UBR3: variants seen among roughly 807,000 people sequenced by gnomAD.
UBR3 encodes E3 ubiquitin-protein ligase UBR3.
Under a neutral mutation model 243.2 loss-of-function variants are expected in UBR3, and 85 were observed. The ratio of observed to expected loss-of-function variants is 0.35; its 90% CI spans 0.29 to 0.42. The LOEUF is 0.42. Ranked by LOEUF, UBR3 falls within the 10% of genes least tolerant of loss-of-function variation. The probability of loss-of-function intolerance (pLI) is 1.00; values close to 1 mark genes in which losing one functional copy is unlikely to be tolerated. For missense variants in UBR3, 1,686 were observed against 2,300.8 expected, an observed-to-expected ratio of 0.73 and a Z score of 5.47; for synonymous variants, 748 against 799.8, an observed-to-expected ratio of 0.94 and a Z score of 1.09.
intron 10 of UBR3, among the ~76,000 whole-genome samples, chr2:169,913,689 A>G (rs554511909): frequency 2.6e-5 from 4 of 152,218 alleles, no homozygotes; most frequent in African/African-American, 9.6e-5. Flanking sequence ...GCTACTATCC[A>G]TGTCCAATAC....
chr2:169,953,274 G>C (rs2105363912), intron 23 of UBR3, among the ~76,000 whole-genome samples: 1 of 152,224 alleles, frequency 6.6e-6, no homozygotes, highest in Non-Finnish European at 1.5e-5. Context: ...GACTCTATTT[G>C]GATCTCACCG....
intron 19 of UBR3, among the ~76,000 whole-genome samples, chr2:169,936,674 C>T (rs1463156403): frequency 6.6e-6 from 1 of 151,946 alleles, no homozygotes; most frequent in African/African-American, 2.4e-5. Context: ...CTCCCCACTC[C>T]CCCCACCCCA....
chr2:169,949,475 A>G (rs2086920936), intron 22 of UBR3, 130 bp from the exon 23 acceptor site: 5 of 852,288 alleles, frequency 5.9e-6, no homozygotes, highest in Non-Finnish European at 8.6e-6. Context: ...TTATTTAAAG[A>G]GCAAATCTAT....
intron 31 of UBR3, among the ~76,000 whole-genome samples, chr2:170,029,828 A>G (rs1296984745): frequency 2.6e-5 from 4 of 152,068 alleles, no homozygotes; most frequent in Non-Finnish European, 5.9e-5. Context: ...GACTCCTGAT[A>G]ATTCTTGCTA....
intron 1 of UBR3, among the ~76,000 whole-genome samples, chr2:169,847,713 C>G (rs1208332467): frequency 6.6e-6 from 1 of 152,182 alleles, no homozygotes; most frequent in African/African-American, 2.4e-5. Flanking sequence ...AGGAAAGATA[C>G]TACTGTGTCA....
At chr2:169,921,483 A>T (rs1028752659) in intron 11 of UBR3, among the ~76,000 whole-genome samples, 1 of 152,224 alleles carries the variant, frequency 6.6e-6, no homozygotes, top group Non-Finnish European at 1.5e-5. Context: ...CTTTAACGTT[A>T]TGGAGAATGT....
intron 1 of UBR3, among the ~76,000 whole-genome samples, chr2:169,863,188 C>T (rs1329792190): frequency 6.6e-6 from 1 of 152,200 alleles, no homozygotes. Flanking sequence ...TCCTCTACTT[C>T]TCCCACAGTC....
Position 169,994,455 on chromosome 2 carries a change from A to T in UBR3, c.3917A>T (p.Asp1306Val). The T allele has an allele frequency of 6.2e-7, 1 of 1,613,402 alleles. No homozygotes were observed. The highest frequency in any genetic ancestry group is 8.5e-7 in the Non-Finnish European group (1 of 1,179,470). ...TCATTATTACAGCGTTATTTTAAGG[A>T]TGTAAGTACTCTTTATAAAATAGTA... ...RLSLLQRYFK[D>V]SSCLLAVSIG... The change falls in exon 26 of 39, where the codon GAT becomes GTT. Residue 1306 changes from aspartate to valine, a missense_variant and splice_region_variant. By Grantham distance (152) the Asp-to-Val change is radical. Around this residue, in one of 8 missense-constraint regions of UBR3, gnomAD observed 156 missense variants for 246.3 expected, o/e 0.63. Transcript: ENST00000272793.
At chr2:169,907,782 T>C (rs1387668579) in intron 10 of UBR3, among the ~76,000 whole-genome samples, 1 of 152,030 alleles carries the variant, frequency 6.6e-6, no homozygotes, top group African/African-American at 2.4e-5. Context: ...TTTTTAAATT[T>C]TTTTTTATTT....
At chr2:169,902,594 T>C (rs2084869288) in intron 8 of UBR3, among the ~76,000 whole-genome samples, 1 of 147,372 alleles carries the variant, frequency 6.8e-6, no homozygotes, top group Non-Finnish European at 1.5e-5. Context: ...CAGTTTAAAC[T>C]TCACTTCCTC....
At chr2:170,049,681 G>A (rs555993580) in intron 32 of UBR3, among the ~76,000 whole-genome samples, 22 of 152,180 alleles carry the variant, frequency 1.4e-4, no homozygotes, top group African/African-American at 5.1e-4. Flanking sequence ...GCCCTTTCTA[G>A]AAGCCTTTCT....
intron 2 of UBR3, 79 bp downstream of exon 2, chr2:169,872,454 A>AT (rs1574090219): frequency 9.9e-7 from 1 of 1,012,158 alleles, no homozygotes; most frequent in Non-Finnish European, 1.4e-6. Context: ...TATGAGGTGA[A>AT]TTTTTTTAGA....
At chr2:170,056,076 C>T (rs895643636) in intron 33 of UBR3, among the ~76,000 whole-genome samples, 8 of 141,060 alleles carry the variant, frequency 5.7e-5, no homozygotes, top group Admixed American at 1.5e-4. Context: ...GGTACAATCT[C>T]AGCTCACTGC....
At chr2:169,886,413 C>T (rs2084103207) in intron 5 of UBR3, among the ~76,000 whole-genome samples, 1 of 152,132 alleles carries the variant, frequency 6.6e-6, no homozygotes, top group Admixed American at 6.5e-5. Context: ...AACTTATTCC[C>T]TTGATAGCTC....
At chr2:169,835,823 G>A (rs1319124507) in intron 1 of UBR3, among the ~76,000 whole-genome samples, 1 of 151,840 alleles carries the variant, frequency 6.6e-6, no homozygotes, top group Non-Finnish European at 1.5e-5. Context: ...TACAAAAGTA[G>A]TATAACAGAT....
At chr2:170,069,899 C>T (rs2091660801) in intron 35 of UBR3, among the ~76,000 whole-genome samples, 1 of 151,680 alleles carries the variant, frequency 6.6e-6, no homozygotes, top group Non-Finnish European at 1.5e-5. Flanking sequence ...ATATGCACAC[C>T]CTCCCATATA....
chr2:169,827,856 G>C lies in UBR3; in HGVS notation c.349G>C (p.Ala117Pro). 1.3e-6 allele frequency: 2 copies of C among 1,503,940 alleles called. No homozygotes were observed. Among genetic ancestry groups the C allele is most frequent in the Non-Finnish European group, 1.8e-6 (2 of 1,131,012 alleles). The allele number at this position is 1,503,940 out of a possible 1,614,324, so 93.2% of individuals were successfully genotyped here. The stretch of plus-strand genomic sequence containing the variant: ...CGCGGCGGTGCGGGCCTACGATCCC[G>C]CGGCGCTCTGCGGCCTGGTCTGGAC... ...FCAAVRAYDPAALCGLVWTAN... is the reference protein window; with the variant it reads ...FCAAVRAYDPPALCGLVWTAN... The change falls in exon 1 of 39, where the codon GCG becomes CCG. Residue 117 changes from alanine to proline, a missense_variant. Coordinates refer to ENST00000272793, the MANE Select transcript of UBR3 (RefSeq NM_172070.4).
At chr2:169,917,690 ATGTT>A (rs1177612957) in intron 11 of UBR3, among the ~76,000 whole-genome samples, 1 of 152,066 alleles carries the variant, frequency 6.6e-6, no homozygotes, top group Non-Finnish European at 1.5e-5. Flanking sequence ...ATCAAATAAT[ATGTT>A]ATTTATTTAT....
chr2:169,937,112 G>A (rs1227871475), intron 19 of UBR3, among the ~76,000 whole-genome samples: 3 of 152,120 alleles, frequency 2.0e-5, no homozygotes, highest in Non-Finnish European at 4.4e-5. Context: ...CTTCCACAAT[G>A]GTTGAACTAG....
Sources: allele counts gnomAD v4.1 joint callset (sites outside exome capture counted in the v4.1 genomes callset), GRCh38; gene constraint gnomAD v4.1.1; regional missense constraint gnomAD v4.1.1; transcripts MANE v1.5; gene names NCBI Gene and HGNC (gene_info 2026-07-23, HGNC 2026-07-21).